The following CKAP5 variants were observed in gnomAD, a reference collection of about 807,000 sequenced individuals.
CKAP5 encodes cytoskeleton-associated protein 5.
In CKAP5, 27 loss-of-function variants were observed where a neutral mutation model predicts 232.8. That is an observed-to-expected ratio of 0.12 (90% confidence interval 0.09 to 0.16). The LOEUF (loss-of-function observed/expected upper bound fraction) is 0.16, where lower values mean the gene tolerates loss of function less well. Ranked by LOEUF, CKAP5 falls within the 10% of genes least tolerant of loss-of-function variation. The probability of loss-of-function intolerance (pLI) is 1.00; values close to 1 mark genes in which losing one functional copy is unlikely to be tolerated. For missense variants in CKAP5, 1,838 were observed against 2,424.7 expected, an observed-to-expected ratio of 0.76 and a Z score of 5.08; for synonymous variants, 785 against 841.1, an observed-to-expected ratio of 0.93 and a Z score of 1.16.
At chr11:46,804,982 T>C (rs1204012662) in intron 8 of CKAP5, among the ~76,000 whole-genome samples, 1 of 151,586 alleles carries the variant, frequency 6.6e-6, no homozygotes, top group Non-Finnish European at 1.5e-5. Flanking sequence ...ACGCCTGTAA[T>C]CCCAGCACTT....
intron 8 of CKAP5, among the ~76,000 whole-genome samples, chr11:46,802,553 G>GAGACACACACACAC (rs1555165924): frequency 2.9e-4 from 41 of 142,556 alleles, no homozygotes; most frequent in African/African-American, 1.1e-3. Context: ...CAGACAGACA[G>GAGACACACACACAC]ACAGACACAC....
intron 40 of CKAP5, 39 bp from the exon 41 acceptor site, chr11:46,750,650 TGA>T: frequency 1.3e-6 from 2 of 1,509,162 alleles, no homozygotes; most frequent in Non-Finnish European, 1.8e-6. Context: ...TGGTTAGACT[TGA>T]GTTATTAATT....
At position 46,762,070 on chromosome 11, in the gene CKAP5, T is replaced by C; in HGVS notation, c.4151A>G (p.Asn1384Ser). The stretch of plus-strand genomic sequence containing the variant: ...CGTTACAATGGTGTTGAGTGCAGCA[T>C]TGCGTACAGCATTGTCACGGTCTCC... ...HIGDRDNAVR[N>S]AALNTIVTVY... The change falls in exon 32 of 44, where the codon AAT becomes AGT. Residue 1384 changes from asparagine to serine, a missense_variant. By Grantham distance (46) the Asn-to-Ser change is conservative. Transcript: ENST00000529230. The C allele has an allele frequency of 5.0e-6, 8 of 1,614,180 alleles. No individual in the cohort carries two copies. Among genetic ancestry groups the C allele is most frequent in the African/African-American group, 1.3e-5 (1 of 75,066 alleles).
intron 38 of CKAP5, among the ~76,000 whole-genome samples, chr11:46,752,225 C>CACAT (rs1555160706): frequency 2.2e-4 from 29 of 132,894 alleles, no homozygotes; most frequent in African/African-American, 6.5e-4. Context: ...CACACACACA[C>CACAT]ACACACACGT....
At chr11:46,795,565 T>C (rs919545193) in intron 13 of CKAP5, 29 bp downstream of exon 13, 40 of 1,575,774 alleles carry the variant, frequency 2.5e-5, no homozygotes, top group Non-Finnish European at 3.5e-5. Flanking sequence ...CCTTCCTTAC[T>C]AACTTCTATT....
At chr11:46,784,449 T>C (rs753370696) in intron 17 of CKAP5, 39 bp downstream of exon 17, 19 of 1,510,798 alleles carry the variant, frequency 1.3e-5, no homozygotes, top group Non-Finnish European at 1.7e-5. Context: ...GGGGAAAAAA[T>C]TGGGAAAACT....
At chr11:46,835,072 T>C (rs1171758274) in intron 1 of CKAP5, among the ~76,000 whole-genome samples, 2 of 152,124 alleles carry the variant, frequency 1.3e-5, no homozygotes, top group Admixed American at 1.3e-4. Context: ...AAGCTAACAC[T>C]TCTAGTTATC....
chr11:46,838,235 T>A (rs1221417511), intron 1 of CKAP5, among the ~76,000 whole-genome samples: 2 of 152,202 alleles, frequency 1.3e-5, no homozygotes, highest in African/African-American at 4.8e-5. Context: ...TAAAATTTTT[T>A]TAAAAAATTC....
intron 1 of CKAP5, among the ~76,000 whole-genome samples, chr11:46,831,965 G>C (rs926167044): frequency 1.6e-4 from 23 of 146,620 alleles, no homozygotes; most frequent in Non-Finnish European, 4.5e-5. Context: ...CCGGGGCTCT[G>C]GCAAAACTTC....
intron 13 of CKAP5, among the ~76,000 whole-genome samples, chr11:46,793,935 CA>C (rs139515976): frequency 3.4e-5 from 5 of 147,564 alleles, no homozygotes; most frequent in South Asian, 2.2e-4. Flanking sequence ...TCAGAAAAAA[CA>C]AAAAAAAAAT....
Position 46,809,501 on chromosome 11 carries a change from C to A in CKAP5, c.764-1G>T, listed in dbSNP as rs1247104687. 1 of 1,602,288 alleles carries A rather than the reference C, an allele frequency of 6.2e-7. No homozygotes were observed. The highest frequency in any genetic ancestry group is 8.5e-7 in the Non-Finnish European group (1 of 1,172,226). On this transcript the variant is annotated splice_acceptor_variant, in intron 6 of 43. Coordinates refer to ENST00000529230, the MANE Select transcript of CKAP5 (RefSeq NM_001008938.4). LOFTEE classifies it high-confidence loss of function. ...GGCACCTCATCACCATCATCACCAC[C>A]TTTAAGGAGAAAAACAACACAAACC...
At chr11:46,785,562 T>G (rs2065383213) in intron 16 of CKAP5, among the ~76,000 whole-genome samples, 1 of 152,190 alleles carries the variant, frequency 6.6e-6, no homozygotes, top group African/African-American at 2.4e-5. Context: ...TCTCCTGACC[T>G]CAAGTGGATC....
At chr11:46,818,257 A>G in intron 3 of CKAP5, 53 bp downstream of exon 3, 1 of 1,380,720 alleles carries the variant, frequency 7.2e-7, no homozygotes, top group East Asian at 2.4e-5. Flanking sequence ...AACATACATT[A>G]TGTAACACCA....
At chr11:46,809,976 T>C (rs1939239491) in intron 5 of CKAP5, 102 bp from the exon 6 acceptor site, 5 of 779,462 alleles carry the variant, frequency 6.4e-6, no homozygotes, top group African/African-American at 3.7e-5. Flanking sequence ...AATTTCTTTC[T>C]TTTTTTTTTA....
intron 8 of CKAP5, among the ~76,000 whole-genome samples, chr11:46,807,277 T>A (rs1397676870): frequency 6.6e-6 from 1 of 152,246 alleles, no homozygotes; most frequent in African/African-American, 2.4e-5. Flanking sequence ...TTCACTAATT[T>A]AGTGTTCGCA....
At chr11:46,753,558 G>A (rs1203921894) in intron 36 of CKAP5, 61 bp from the exon 37 acceptor site, 19 of 1,207,210 alleles carry the variant, frequency 1.6e-5, no homozygotes, top group Non-Finnish European at 1.2e-6. Context: ...AAAGAAATGT[G>A]GGTGGCATAT....
chr11:46,750,534 A>C lies in CKAP5; in HGVS notation c.5538T>G (p.Thr1846=), dbSNP rs745963052. 4.3e-6 allele frequency: 7 copies of C among 1,613,700 alleles called. No individual in the cohort carries two copies. In the African/African-American group the frequency reaches 9.3e-5, roughly 22 times the overall value. The change falls in exon 41 of 44, where the codon ACT becomes ACG. Residue 1846 remains threonine (T), a synonymous_variant. Coordinates refer to ENST00000529230, the MANE Select transcript of CKAP5 (RefSeq NM_001008938.4). Reference sequence around the variant, plus strand: ...TTAACCCTTTCACTCTCACCTCTTTAGTGTTTTCTTTAGAGCCAATCTTCT... The same window carrying C: ...TTAACCCTTTCACTCTCACCTCTTTCGTGTTTTCTTTAGAGCCAATCTTCT... ...IFKKIGSKEN[T]KEGLAELYEY... is the part of the protein sequence containing the mutation.
chr11:46,776,589 T>C lies in CKAP5; in HGVS notation c.2863-206A>G, dbSNP rs868090691. Among the ~76,000 whole-genome samples the C allele has an allele frequency of 5.6e-4, 86 of 152,282 alleles. 1 individual carries two copies. The Middle Eastern group carries it at 0.014, about 24-fold the overall frequency. ...AGTAGAAATATAAAACTCCAAATTG[T>C]AAAACTTGTGTACTCAGTTAATCAG... On this transcript the variant is annotated intron_variant, in intron 23 of 43. Transcript: ENST00000529230.
At chr11:46,759,128 C>T (rs1365246303) in intron 34 of CKAP5, 85 bp from the exon 35 acceptor site, 1 of 1,545,590 alleles carries the variant, frequency 6.5e-7, no homozygotes, top group African/African-American at 1.4e-5. Context: ...CCACTAGGTC[C>T]AGGTCTTAGT....
Sources: gnomAD v4.1 joint callset for allele counts (sites outside exome capture counted in the v4.1 genomes callset) on GRCh38, gnomAD v4.1.1 for gene constraint, MANE v1.5 for transcripts, NCBI Gene and HGNC (gene_info 2026-07-23, HGNC 2026-07-21) for gene names.